The following WWOX variants were observed in gnomAD, a reference collection of about 807,000 sequenced individuals.
WWOX encodes the protein WW domain-containing oxidoreductase.
Under a neutral mutation model 46.2 loss-of-function variants are expected in WWOX, and 69 were observed. The ratio of observed to expected loss-of-function variants is 1.49; its 90% CI spans 1.23 to 1.82. WWOX has a LOEUF of 1.82. Among genes scored for constraint, WWOX ranks in the 40% most tolerant of loss-of-function variants. WWOX has a pLI of 0.00. For synonymous variants in WWOX, 359 were observed against 202.6 expected (o/e 1.77, Z -6.56); for missense variants, 919 against 542.6 (o/e 1.69, Z -6.89).
chr16:78,172,428 G>A (rs1337903264), intron 5 of WWOX, among the ~76,000 whole-genome samples: 3 of 151,830 alleles, frequency 2.0e-5, no homozygotes, highest in African/African-American at 7.3e-5. Context: ...AGACATAATC[G>A]GTTGCTAAAA....
chr16:78,981,636 A>G (rs1249554396), intron 8 of WWOX: 2 of 152,084 alleles, frequency 1.3e-5, no homozygotes, highest in African/African-American at 4.8e-5. Flanking sequence ...TGGGGTGGCC[A>G]GGCTGGTCTT....
At chr16:78,948,525 C>G (rs2045993412) in intron 8 of WWOX, among the ~76,000 whole-genome samples, 1 of 152,138 alleles carries the variant, frequency 6.6e-6, no homozygotes, top group Admixed American at 6.5e-5. Context: ...CAAGACAGCT[C>G]TGCTGCCTGA....
At chr16:78,786,098 C>T (rs950401862) in intron 8 of WWOX, among the ~76,000 whole-genome samples, 3 of 152,168 alleles carry the variant, frequency 2.0e-5, no homozygotes, top group Non-Finnish European at 2.9e-5. Context: ...TTAGTAGAGG[C>T]GAGATTTTCC....
chr16:78,647,450 T>C (rs1288570241), intron 8 of WWOX, among the ~76,000 whole-genome samples: 1 of 152,164 alleles, frequency 6.6e-6, no homozygotes, highest in Non-Finnish European at 1.5e-5. Flanking sequence ...TCCATGATCA[T>C]GGACCCGTTC....
intron 8 of WWOX, among the ~76,000 whole-genome samples, chr16:78,467,904 T>C (rs76725074): frequency 0.026 from 3,951 of 152,262 alleles, 194 homozygotes; most frequent in African/African-American, 0.092. Flanking sequence ...GTGATACTGA[T>C]CAGCCTGGCT....
intron 5 of WWOX, among the ~76,000 whole-genome samples, chr16:78,208,753 A>T (rs556509279): frequency 7.2e-5 from 11 of 152,336 alleles, no homozygotes; most frequent in African/African-American, 2.6e-4. Flanking sequence ...GTTGTAAATG[A>T]TATCTTTGTA....
chr16:79,129,547 G>C (rs2049832223), intron 8 of WWOX, among the ~76,000 whole-genome samples: 1 of 151,694 alleles, frequency 6.6e-6, no homozygotes, highest in Admixed American at 6.6e-5. Flanking sequence ...AAAGACTGCT[G>C]TATTTATGCT....
intron 8 of WWOX, chr16:78,826,120 C>G (rs1597678283): frequency 3.5e-6 from 1 of 283,854 alleles, no homozygotes; most frequent in East Asian, 6.6e-5. Flanking sequence ...CTGTGGGAGT[C>G]AAGACAGGCC....
chr16:78,595,628 A>T (rs1267703447), intron 8 of WWOX, among the ~76,000 whole-genome samples: 1 of 152,192 alleles, frequency 6.6e-6, no homozygotes, highest in Non-Finnish European at 1.5e-5. Flanking sequence ...CCCCCAGCTG[A>T]CCAGTGTGGA....
chr16:79,153,257 C>T (rs1011775530), intron 8 of WWOX, among the ~76,000 whole-genome samples: 1 of 152,156 alleles, frequency 6.6e-6, no homozygotes, highest in African/African-American at 2.4e-5. Context: ...TGACCCCAGT[C>T]CTACCTGACT....
chr16:79,116,248 A>C (rs1036285662), intron 8 of WWOX, among the ~76,000 whole-genome samples: 1 of 152,216 alleles, frequency 6.6e-6, no homozygotes, highest in Non-Finnish European at 1.5e-5. Context: ...TCTTAAAATA[A>C]GACAAGGATA....
intron 8 of WWOX, among the ~76,000 whole-genome samples, chr16:78,983,953 C>T (rs1458754087): frequency 7.5e-6 from 1 of 133,744 alleles, no homozygotes; most frequent in Non-Finnish European, 1.5e-5. Context: ...TCTCAGCTGA[C>T]TGCAAGCTCT....
chr16:78,312,841 C>T (rs1597468931), intron 5 of WWOX, among the ~76,000 whole-genome samples: 1 of 152,194 alleles, frequency 6.6e-6, no homozygotes, highest in South Asian at 2.1e-4. Context: ...AGGCTCTGCC[C>T]TAAGTGGTCA....
chr16:78,539,654 G>A (rs1028699999), intron 8 of WWOX, among the ~76,000 whole-genome samples: 1 of 152,186 alleles, frequency 6.6e-6, no homozygotes, highest in East Asian at 1.9e-4. Context: ...TGTGCAAATT[G>A]TACTTGCAGT....
intron 5 of WWOX, among the ~76,000 whole-genome samples, chr16:78,263,806 C>T (rs148099227): frequency 1.3e-5 from 2 of 152,190 alleles, no homozygotes; most frequent in East Asian, 3.9e-4. Context: ...CCCCAGTACA[C>T]CTGCCTCCAA....
intron 6 of WWOX, among the ~76,000 whole-genome samples, chr16:78,389,492 G>T: frequency 6.6e-6 from 1 of 152,192 alleles, no homozygotes; most frequent in East Asian, 1.9e-4. Context: ...GACAAGAACA[G>T]CAGCGGAGTC....
chr16:78,562,265 C>G (rs2044458098), intron 8 of WWOX, among the ~76,000 whole-genome samples: 1 of 152,206 alleles, frequency 6.6e-6, no homozygotes, highest in Non-Finnish European at 1.5e-5. Flanking sequence ...CTAGCTCTCA[C>G]ACTGCATGCA....
At chr16:78,821,040 A>G (rs1230575627) in intron 8 of WWOX, among the ~76,000 whole-genome samples, 6 of 152,118 alleles carry the variant, frequency 3.9e-5, no homozygotes, top group Non-Finnish European at 7.3e-5. Context: ...TACATTTGCA[A>G]AGACCCTGTT....
intron 8 of WWOX, among the ~76,000 whole-genome samples, chr16:78,769,869 AT>A (rs1345629051): frequency 4.6e-5 from 7 of 151,540 alleles, no homozygotes; most frequent in Admixed American, 4.6e-4. Context: ...AAATAAAAAA[AT>A]AAAAATAAAA....
Sources: gnomAD v4.1 joint callset for allele counts (sites outside exome capture counted in the v4.1 genomes callset) on GRCh38, gnomAD v4.1.1 for gene constraint, MANE v1.5 for transcripts, NCBI Gene and HGNC (gene_info 2026-07-23, HGNC 2026-07-21) for gene names.